JADE1: variants seen among roughly 807,000 people sequenced by gnomAD.
JADE1 encodes protein Jade-1.
JADE1 carries 14 observed loss-of-function variants against 81.8 expected under a neutral mutation model. The ratio of observed to expected loss-of-function variants is 0.17; its 90% confidence interval spans 0.11 to 0.27. The LOEUF (loss-of-function observed/expected upper bound fraction) is 0.27. JADE1 is among the 10% of genes least tolerant of loss of function. The probability of loss-of-function intolerance (pLI) is 1.00; values close to 1 mark genes in which losing one functional copy is unlikely to be tolerated. For missense variants in JADE1, 690 were observed against 1,047.9 expected (o/e 0.66, Z 4.71); for synonymous variants, 353 against 391.9 (o/e 0.90, Z 1.17).
At position 128,873,266 on chromosome 4, in the gene JADE1, AAAAAAAGAAAAAAAG is replaced by A. The variant is rs1238009024; in HGVS notation, c.*1011_*1025del. On this transcript the variant is annotated 3_prime_UTR_variant, in exon 11 of 11. Coordinates refer to ENST00000226319, the MANE Select transcript of JADE1 (RefSeq NM_199320.4). ...TTCCTTAAGAAAAAGGAAAAAAAAA[AAAAAAAGAAAAAAAG>A]AAAAAAAAAAGAAAAAAGAAAAAAA... 1.1e-4 allele frequency: 16 copies of A among 149,292 alleles called. No individual in the cohort carries two copies. Among genetic ancestry groups the A allele is most frequent in the African/African-American group, 4.0e-4 (16 of 40,504 alleles). The allele number at this position is 149,292 out of a possible 1,614,324, so 9.2% of individuals were successfully genotyped here.
At chr4:128,867,146 G>A (rs1273966772) in intron 9 of JADE1, among the ~76,000 whole-genome samples, 1 of 152,202 alleles carries the variant, frequency 6.6e-6, no homozygotes, top group Non-Finnish European at 1.5e-5. Flanking sequence ...TTTTTCAAGT[G>A]ATGATGCAGA....
rs1732225891 is a variant in JADE1 at position 128,871,926 on chromosome 4, T to C, written c.2193T>C (p.Asn731=). 6.2e-7 allele frequency: 1 copy of C among 1,613,828 alleles called. No individual in the cohort carries two copies. The highest frequency in any genetic ancestry group is 8.5e-7 in the Non-Finnish European group (1 of 1,179,944). Residue 731 remains asparagine (N), a synonymous_variant, in exon 11 of 11, where the codon AAT becomes AAC. Coordinates refer to ENST00000226319, the MANE Select transcript of JADE1 (RefSeq NM_199320.4). This position sits in a 1 kb window ranked among gnomAD's most constrained non-coding sequence, Gnocchi z 4.1. ...GCTCCCTAATCAAAGTAAACTATAA[T>C]CAGACTGCAGTCAAAGTGCCTACAA... The part of the protein sequence containing the change: ...CNGSLIKVNY[N]QTAVKVPTTP...
Position 128,846,647 on chromosome 4 carries a change from T to A in JADE1, c.296+115T>A. The A allele has an allele frequency of 9.1e-7, 1 of 1,100,840 alleles. No individual in the cohort carries two copies. Among genetic ancestry groups the A allele is most frequent in the Non-Finnish European group, 1.3e-6 (1 of 774,104 alleles). The allele number at this position is 1,100,840 out of a possible 1,614,324, so 68.2% of individuals were successfully genotyped here. A position where few individuals can be genotyped will look rare whatever the true frequency, so the allele number is the denominator to read the frequency against. The stretch of plus-strand genomic sequence containing the variant: ...GAAGAGACAGTTTCTGAGTTAGCAT[T>A]AAAATATCATGAGGCCTCAAGTGGA... On this transcript the variant is annotated intron_variant, in intron 4 of 10. Coordinates refer to ENST00000226319, the MANE Select transcript of JADE1 (RefSeq NM_199320.4). This position sits in a 1 kb window ranked among gnomAD's most constrained non-coding sequence, Gnocchi z 4.0.
rs775042635 is a variant in JADE1, at chr4:128,822,942, C to A, written c.-26-8791C>A. Among the ~76,000 whole-genome samples the A allele has an allele frequency of 9.1e-4, 138 of 152,096 alleles. 2 individuals carry two copies. Among genetic ancestry groups the A allele is most frequent in the Non-Finnish European group, 9.1e-4 (62 of 68,012 alleles). On this transcript the variant is annotated intron_variant, in intron 1 of 10. Coordinates refer to ENST00000226319, the MANE Select transcript of JADE1 (RefSeq NM_199320.4). The stretch of plus-strand genomic sequence containing the variant: ...TCTTATATTTTGGGTTTTTTCCCTG[C>A]AGTTAGCCTGTTTTTCTCCCCTAAT...
chr4:128,822,227 T>C (rs1378456506), intron 1 of JADE1, among the ~76,000 whole-genome samples: 1 of 151,780 alleles, frequency 6.6e-6, no homozygotes, highest in Admixed American at 6.6e-5. Flanking sequence ...ACTGGCCGGG[T>C]GTGGTGGTGT....
intron 6 of JADE1, among the ~76,000 whole-genome samples, chr4:128,852,982 G>A (rs1730491478): frequency 6.7e-6 from 1 of 149,296 alleles, no homozygotes; most frequent in African/African-American, 2.5e-5. Flanking sequence ...TGCAACCTCC[G>A]CCTCCTGGGT....
At position 128,867,754 on chromosome 4, in the gene JADE1, G is replaced by T. The variant is rs10008441; in HGVS notation, c.1504-102G>T. ...CTATTGATTTCAAGTATCTGTCAAG[G>T]CCCTAGTAGGAGTAATTTCTCTTAG... On this transcript the variant is annotated intron_variant, in intron 9 of 10. Coordinates refer to ENST00000226319, the MANE Select transcript of JADE1 (RefSeq NM_199320.4). 3,297 of 632,774 alleles carry T rather than the reference G, an allele frequency of 5.2e-3. 92 individuals carry two copies. The African/African-American group carries it at 0.054, about 10-fold the overall frequency. 39.2% of individuals were successfully genotyped at this position (632,774 alleles called of 1,614,324 possible). A position where few individuals can be genotyped will look rare whatever the true frequency, so the allele number is the denominator to read the frequency against.
intron 8 of JADE1, among the ~76,000 whole-genome samples, chr4:128,857,720 C>T (rs535384989): frequency 6.6e-6 from 1 of 152,198 alleles, no homozygotes; most frequent in African/African-American, 2.4e-5. Flanking sequence ...GTTTGTCTCT[C>T]GCTACCCTTT....
At chr4:128,835,925 T>C (rs1728945010) in intron 2 of JADE1, among the ~76,000 whole-genome samples, 1 of 152,200 alleles carries the variant, frequency 6.6e-6, no homozygotes, top group Admixed American at 6.5e-5. Context: ...GCTGCAGTCA[T>C]AGTTGAAGCC....
At chr4:128,865,156 A>G (rs748586280) in intron 9 of JADE1, among the ~76,000 whole-genome samples, 2 of 152,258 alleles carry the variant, frequency 1.3e-5, no homozygotes, top group Non-Finnish European at 2.9e-5. Context: ...TAGTGGCTAC[A>G]GTGTCCCCTG....
At chr4:128,857,225 G>A in intron 7 of JADE1, 113 bp from the exon 8 acceptor site, 3 of 818,064 alleles carry the variant, frequency 3.7e-6, no homozygotes, top group Non-Finnish European at 6.2e-6. Flanking sequence ...GGTGCCCCTT[G>A]CCACTGTCTG....
intron 5 of JADE1, among the ~76,000 whole-genome samples, chr4:128,849,948 G>A (rs544087929): frequency 5.3e-5 from 8 of 152,102 alleles, no homozygotes; most frequent in African/African-American, 1.2e-4. Context: ...GTAGGTACAC[G>A]GTGGGGAGGT....
At chr4:128,864,723 C>T (rs1731655352) in intron 9 of JADE1, 2 of 428,598 alleles carry the variant, frequency 4.7e-6, no homozygotes, top group African/African-American at 4.3e-5. Context: ...CCTGTGACTA[C>T]AATCAAGGCA....
intron 8 of JADE1, among the ~76,000 whole-genome samples, chr4:128,859,736 AGGTGGGCGAAT>A (rs1731165202): frequency 6.6e-6 from 1 of 152,198 alleles, no homozygotes; most frequent in African/African-American, 2.4e-5. Flanking sequence ...TGTTTAAAAG[AGGTGGGCGAAT>A]GGGATCTTTG....
At chr4:128,864,151 T>G in intron 9 of JADE1, 2 of 974,148 alleles carry the variant, frequency 2.1e-6, no homozygotes, top group Non-Finnish European at 2.4e-6. Context: ...GTATTCAGTT[T>G]ATTTTTATTT....
chr4:128,822,062 A>G (rs1727623804), intron 1 of JADE1, among the ~76,000 whole-genome samples: 1 of 152,142 alleles, frequency 6.6e-6, no homozygotes, highest in Non-Finnish European at 1.5e-5. Context: ...AAAGCAAGAC[A>G]ATTCTTTGAT....
At chr4:128,821,323 G>A (rs1727547125) in intron 1 of JADE1, among the ~76,000 whole-genome samples, 1 of 152,164 alleles carries the variant, frequency 6.6e-6, no homozygotes, top group African/African-American at 2.4e-5. Context: ...GGAGGATTCT[G>A]AAGATATGTG....
intron 6 of JADE1, among the ~76,000 whole-genome samples, chr4:128,853,038 G>A (rs1730497413): frequency 6.6e-6 from 1 of 151,940 alleles, no homozygotes; most frequent in South Asian, 2.1e-4. Context: ...TGGGACTGCA[G>A]GAGTGTGCCA....
intron 1 of JADE1, among the ~76,000 whole-genome samples, chr4:128,819,509 T>C (rs1250767461): frequency 2.6e-5 from 4 of 152,148 alleles, no homozygotes; most frequent in Non-Finnish European, 5.9e-5. Context: ...AGAGGATATG[T>C]ATTATAAGAT....
Sources: gnomAD v4.1 joint callset for allele counts (sites outside exome capture counted in the v4.1 genomes callset) on GRCh38, gnomAD v4.1.1 for gene constraint, Gnocchi (gnomAD v3.1) non-coding constraint, MANE v1.5 for transcripts, NCBI Gene and HGNC (gene_info 2026-07-23, HGNC 2026-07-21) for gene names.